The following NKAIN2 variants were observed in gnomAD, a reference collection of about 807,000 sequenced individuals.
The protein encoded by NKAIN2 is sodium/potassium-transporting ATPase subunit beta-1-interacting protein 2.
Under a neutral mutation model 32.6 loss-of-function variants are expected in NKAIN2, and 14 were observed. That is an observed-to-expected ratio of 0.43 (90% CI 0.28 to 0.67). NKAIN2 has a LOEUF of 0.67. Ranked by LOEUF, NKAIN2 falls within the 30% of genes least tolerant of loss-of-function variation. NKAIN2 has a pLI of 0.17. For missense variants in NKAIN2, 198 were observed against 258.3 expected, an observed-to-expected ratio of 0.77 and a Z score of 1.60; for synonymous variants, 80 against 87.2, an observed-to-expected ratio of 0.92 and a Z score of 0.46.
At chr6:124,464,421 T>G (rs942409592) in intron 3 of NKAIN2, among the ~76,000 whole-genome samples, 1 of 149,294 alleles carries the variant, frequency 6.7e-6, no homozygotes, top group Non-Finnish European at 1.5e-5. Flanking sequence ...TAGCCATGAA[T>G]TATAAGCTTT....
intron 1 of NKAIN2, among the ~76,000 whole-genome samples, chr6:124,057,220 G>A (rs1419799433): frequency 5.3e-5 from 8 of 152,016 alleles, no homozygotes; most frequent in Admixed American, 2.6e-4. Context: ...TCCCTAGCAT[G>A]CCCAGTGTTG....
chr6:124,072,487 A>G (rs1480103135), intron 1 of NKAIN2, among the ~76,000 whole-genome samples: 1 of 152,200 alleles, frequency 6.6e-6, no homozygotes, highest in Non-Finnish European at 1.5e-5. Context: ...TTTAAAAAAT[A>G]ACATTAAAAA....
chr6:124,079,044 A>G (rs1003689614), intron 1 of NKAIN2, among the ~76,000 whole-genome samples: 1 of 152,098 alleles, frequency 6.6e-6, no homozygotes, highest in African/African-American at 2.4e-5. Context: ...GAAAATAGCC[A>G]GGCACAGTGG....
intron 2 of NKAIN2, among the ~76,000 whole-genome samples, chr6:124,290,711 A>G (rs1795769866): frequency 6.6e-6 from 1 of 151,594 alleles, no homozygotes; most frequent in Admixed American, 6.6e-5. Flanking sequence ...TTTTGTAAGA[A>G]ACAAAACAGG....
chr6:124,420,743 G>C (rs1774708622), intron 3 of NKAIN2, among the ~76,000 whole-genome samples: 1 of 152,042 alleles, frequency 6.6e-6, no homozygotes, highest in Non-Finnish European at 1.5e-5. Context: ...TCTGGTCAAA[G>C]GATGAGGTTG....
intron 1 of NKAIN2, among the ~76,000 whole-genome samples, chr6:124,009,913 T>A (rs1343000792): frequency 6.6e-6 from 1 of 152,128 alleles, no homozygotes; most frequent in African/African-American, 2.4e-5. Flanking sequence ...TATATATATT[T>A]ATGTGTACAT....
chr6:124,294,492 C>T (rs992469010), intron 2 of NKAIN2, among the ~76,000 whole-genome samples: 1 of 152,124 alleles, frequency 6.6e-6, no homozygotes, highest in South Asian at 2.1e-4. Flanking sequence ...TGATTAAAGA[C>T]TTTCATTGAC....
chr6:124,477,849 T>C (rs998822609), intron 3 of NKAIN2, among the ~76,000 whole-genome samples: 1 of 145,442 alleles, frequency 6.9e-6, no homozygotes, highest in Non-Finnish European at 1.5e-5. Flanking sequence ...CTCTTCCTCT[T>C]CTTCCTCTCT....
chr6:124,362,318 ATAAT>A (rs1287221893), intron 3 of NKAIN2, among the ~76,000 whole-genome samples: 1 of 152,154 alleles, frequency 6.6e-6, no homozygotes, highest in Admixed American at 6.6e-5. Flanking sequence ...CCTATTATTA[ATAAT>A]TAAATGTAAT....
chr6:123,915,855 G>C (rs753158970), intron 1 of NKAIN2, among the ~76,000 whole-genome samples: 10 of 152,106 alleles, frequency 6.6e-5, no homozygotes, highest in Non-Finnish European at 4.4e-5. Flanking sequence ...CATAGTAAAA[G>C]TTCTGAAAAG....
intron 3 of NKAIN2, among the ~76,000 whole-genome samples, chr6:124,412,352 G>T (rs562044760): frequency 1.3e-5 from 2 of 152,178 alleles, no homozygotes; most frequent in East Asian, 3.9e-4. Flanking sequence ...AGATGGGTTT[G>T]GTGTGGATGT....
chr6:124,599,287 A>G (rs1352617379), intron 3 of NKAIN2, among the ~76,000 whole-genome samples: 2 of 151,992 alleles, frequency 1.3e-5, no homozygotes, highest in African/African-American at 4.8e-5. Context: ...TAAATCAGGT[A>G]AAATAGGTTG....
At chr6:124,318,586 G>T (rs930042986) in intron 2 of NKAIN2, among the ~76,000 whole-genome samples, 5 of 151,714 alleles carry the variant, frequency 3.3e-5, no homozygotes, top group South Asian at 2.1e-4. Context: ...CTGTACTCTT[G>T]CCATTTGTTT....
intron 3 of NKAIN2, among the ~76,000 whole-genome samples, chr6:124,538,561 G>A (rs74547740): frequency 6.6e-6 from 1 of 151,926 alleles, no homozygotes; most frequent in Non-Finnish European, 1.5e-5. Flanking sequence ...TGCTTGAAAA[G>A]CACTTTTCAA....
chr6:124,668,308 T>C (rs1011020827), intron 4 of NKAIN2, among the ~76,000 whole-genome samples: 1 of 152,116 alleles, frequency 6.6e-6, no homozygotes, highest in African/African-American at 2.4e-5. Context: ...TTCAAGGATA[T>C]TTTGAGTTTC....
intron 1 of NKAIN2, among the ~76,000 whole-genome samples, chr6:124,249,721 C>G (rs964698517): frequency 6.6e-6 from 1 of 151,994 alleles, no homozygotes; most frequent in African/African-American, 2.4e-5. Context: ...TAGCTTTCAT[C>G]CTGAGGGTTT....
chr6:124,721,403 C>CAAAAAAA (rs11330814), intron 4 of NKAIN2, among the ~76,000 whole-genome samples: 2 of 101,780 alleles, frequency 2.0e-5, no homozygotes, highest in Admixed American at 1.0e-4. Flanking sequence ...GACTCCGTCT[C>CAAAAAAA]AAAAAAAAAA....
chr6:123,825,846 C>T (rs1424182028), intron 1 of NKAIN2, among the ~76,000 whole-genome samples: 1 of 151,822 alleles, frequency 6.6e-6, no homozygotes, highest in Non-Finnish European at 1.5e-5. Flanking sequence ...AAACAGTAGC[C>T]CATCTCATTT....
At chr6:124,005,581 A>G (rs1269734456) in intron 1 of NKAIN2, among the ~76,000 whole-genome samples, 1 of 152,166 alleles carries the variant, frequency 6.6e-6, no homozygotes, top group Non-Finnish European at 1.5e-5. Flanking sequence ...GTATTATTTT[A>G]TACTAATTCA....
Sources: allele counts gnomAD v4.1 joint callset (sites outside exome capture counted in the v4.1 genomes callset), GRCh38; gene constraint gnomAD v4.1.1; transcripts MANE v1.5; gene names NCBI Gene and HGNC (gene_info 2026-07-23, HGNC 2026-07-21).